Variants in ZNF330 observed in about 807,000 individuals in gnomAD.
The protein encoded by ZNF330 is nucleolar atypical zinc finger.
In ZNF330, 31 loss-of-function variants were observed where a neutral mutation model predicts 45.5. The observed-to-expected ratio is 0.68, with a 90% CI of 0.51 to 0.92. ZNF330 has a LOEUF of 0.92. Ranked by LOEUF, ZNF330 falls within the 40% of genes least tolerant of loss-of-function variation. ZNF330 has a pLI of 0.00. For synonymous variants in ZNF330, 138 were observed against 123.2 expected (o/e 1.12, Z -0.79); for missense variants, 356 against 387.4 (o/e 0.92, Z 0.68).
At chr4:141,220,767 AT>A (rs1728650789), upstream of ZNF330, 1 of 152,188 alleles carries the variant, frequency 6.6e-6, no homozygotes, top group South Asian at 2.1e-4. Context: ...TTTCCCTCGC[AT>A]TCCCTTCCTT....
At chr4:141,224,704 T>A in intron 4 of ZNF330, 27 bp downstream of exon 4, 1 of 1,596,804 alleles carries the variant, frequency 6.3e-7, no homozygotes, top group Non-Finnish European at 8.6e-7. Context: ...TAAGGACATA[T>A]GCTTTTTATC....
intron 9 of ZNF330, among the ~76,000 whole-genome samples, chr4:141,233,448 G>A (rs564249466): frequency 9.2e-5 from 14 of 152,176 alleles, no homozygotes; most frequent in Admixed American, 2.0e-4. Flanking sequence ...GTGGCCAAAC[G>A]GAAGGTATTT....
At chr4:141,223,889 TAA>T (rs1321137002) in intron 2 of ZNF330, 3 of 442,126 alleles carry the variant, frequency 6.8e-6, no homozygotes, top group African/African-American at 6.1e-5. Flanking sequence ...TTCGAATAAG[TAA>T]AGACATGGAG....
intron 7 of ZNF330, among the ~76,000 whole-genome samples, chr4:141,231,047 A>C (rs2111258153): frequency 6.6e-6 from 1 of 152,148 alleles, no homozygotes; most frequent in South Asian, 2.1e-4. Context: ...TGAAATCCTA[A>C]TTATTATACT....
intron 4 of ZNF330, among the ~76,000 whole-genome samples, chr4:141,225,894 T>C (rs78638999): frequency 2.8e-3 from 432 of 152,182 alleles, no homozygotes; most frequent in African/African-American, 0.01. Context: ...CATTTCTCAT[T>C]TACTGATTCT....
In ZNF330 at chr4:141,234,146, A is replaced by G. The variant is rs1213447893; in HGVS notation, c.*157A>G. On this transcript the variant is annotated 3_prime_UTR_variant, in exon 10 of 10. Transcript: ENST00000262990. ...AAGCAATAGGGTGTAGCGTTTTTAT[A>G]GAACTGATAATCAGGCTTATGGCAT... 3.0e-6 allele frequency: 4 copies of G among 1,330,378 alleles called. No homozygotes were observed. Among genetic ancestry groups the G allele is most frequent in the Admixed American group, 6.4e-5 (2 of 31,114 alleles). 82.4% of individuals were successfully genotyped at this position (1,330,378 alleles called of 1,614,324 possible).
chr4:141,230,352 GT>G (rs1215506028), intron 7 of ZNF330, 82 bp downstream of exon 7: 1 of 758,258 alleles, frequency 1.3e-6, no homozygotes, highest in East Asian at 2.8e-5. Context: ...AAGGAATCAA[GT>G]TTTTTTATAC....
At chr4:141,229,473 A>C in intron 5 of ZNF330, 98 bp from the exon 6 acceptor site, 1 of 1,493,728 alleles carries the variant, frequency 6.7e-7, no homozygotes, top group South Asian at 1.2e-5. Flanking sequence ...GGGTTGATAA[A>C]TTGCTAAATG....
chr4:141,232,724 T>G, intron 9 of ZNF330, 82 bp downstream of exon 9: 1 of 676,360 alleles, frequency 1.5e-6, no homozygotes, highest in Non-Finnish European at 2.3e-6. Context: ...TGGTCTATTT[T>G]TCTTATTGCC....
rs1728704272 is a variant in ZNF330 at position 141,222,450 on chromosome 4, A to T, written c.79A>T (p.Ser27Cys). Residue 27 changes from serine to cysteine, a missense_variant, in exon 2 of 10, where the codon AGC becomes TGC. Coordinates refer to ENST00000262990, the MANE Select transcript of ZNF330 (RefSeq NM_014487.6). ...TGAAAAACAACTAAGAGCATCAAGA[A>T]GCACTATAGATTTAGCTAAACATCC... ...EREKQLRASR[S>C]TIDLAKHPCN... is the part of the protein sequence containing the mutation. The T allele has an allele frequency of 6.2e-6, 10 of 1,613,768 alleles. No homozygotes were observed. The highest frequency in any genetic ancestry group is 6.8e-6 in the Non-Finnish European group (8 of 1,179,854).
At position 141,232,577 on chromosome 4, in the gene ZNF330, GA is replaced by G; in HGVS notation, c.627del (p.Lys209AsnfsTer25). 1 of 1,600,812 alleles carries G rather than the reference GA, an allele frequency of 6.2e-7. No individual in the cohort carries two copies. The highest frequency in any genetic ancestry group is 1.7e-5 in the Admixed American group (1 of 58,616). On this transcript the variant is annotated frameshift_variant, in exon 9 of 10. Coordinates refer to ENST00000262990, the MANE Select transcript of ZNF330 (RefSeq NM_014487.6). LOFTEE classifies it high-confidence loss of function. ...AGCAAAGTGTTTAAGCAAGAAAAAGGAAAACAGCCTCCTTGTCCTAAATGTG... is the reference window on the plus strand; with the variant it reads ...AGCAAAGTGTTTAAGCAAGAAAAAGGAAACAGCCTCCTTGTCCTAAATGTG... ...TRSKVFKQEK[G>X]KQPPCPKCGH...
chr4:141,231,586 C>A (rs1728959949), intron 8 of ZNF330, 101 bp downstream of exon 8: 1 of 797,754 alleles, frequency 1.3e-6, no homozygotes, highest in East Asian at 2.9e-5. Flanking sequence ...TTATAAGGGA[C>A]CTTAAAATTA....
At chr4:141,233,011 C>G (rs1334226897) in intron 9 of ZNF330, among the ~76,000 whole-genome samples, 2 of 152,000 alleles carry the variant, frequency 1.3e-5, no homozygotes, top group Non-Finnish European at 2.9e-5. Context: ...GTCAAATTCA[C>G]TCTGAAGCTA....
chr4:141,222,345 T>C, intron 1 of ZNF330, 21 bp from the exon 2 acceptor site: 1 of 1,607,470 alleles, frequency 6.2e-7, no homozygotes, highest in Non-Finnish European at 8.5e-7. Flanking sequence ...ATATCTTTTC[T>C]GTTCTCTTGT....
chr4:141,229,567 A>G lies in ZNF330; in HGVS notation c.292-4A>G. 1 of 1,612,602 alleles carries G rather than the reference A, an allele frequency of 6.2e-7. No individual in the cohort carries two copies. Among genetic ancestry groups the G allele is most frequent in the Non-Finnish European group, 8.5e-7 (1 of 1,178,956 alleles). On this transcript the variant is annotated splice_region_variant and splice_polypyrimidine_tract_variant and intron_variant, in intron 5 of 9. Transcript: ENST00000262990. ...GATTATGTATTCTTGTTCCTTGGTTACAGGGTGCAATATGTGACTTCTGTG... is the reference window on the plus strand; with the variant it reads ...GATTATGTATTCTTGTTCCTTGGTTGCAGGGTGCAATATGTGACTTCTGTG...
rs369003661 is a variant in ZNF330 at position 141,233,961 on chromosome 4, A to T, written c.935A>T (p.Tyr312Phe). ...TTAGGAAGGACCTATGCTAGTGGCT[A>T]TGCTCACTATGAGGAACAAGAGAAC... is the stretch of plus-strand genomic sequence containing the variant. ...LNLGRTYASG[Y>F]AHYEEQEN is the part of the protein sequence containing the mutation. The change falls in exon 10 of 10, where the codon TAT becomes TTT. Residue 312 changes from tyrosine to phenylalanine, a missense_variant. Physicochemically the swap from Tyr to Phe is conservative, Grantham distance 22. Coordinates refer to ENST00000262990, the MANE Select transcript of ZNF330 (RefSeq NM_014487.6). 1.2e-6 allele frequency: 2 copies of T among 1,613,290 alleles called. No individual in the cohort carries two copies. Among genetic ancestry groups the T allele is most frequent in the Non-Finnish European group, 1.7e-6 (2 of 1,179,558 alleles).
chr4:141,223,809 C>T (rs1230072466), intron 2 of ZNF330: 2 of 455,790 alleles, frequency 4.4e-6, no homozygotes. Flanking sequence ...GGAAGGGGTA[C>T]ACTTCACAGA....
chr4:141,220,870 C>T (rs1477610388), upstream of ZNF330: 1 of 152,282 alleles, frequency 6.6e-6, no homozygotes. Context: ...CGGCTCCCGT[C>T]CTATGACGTC....
chr4:141,232,702 C>CTTT, intron 9 of ZNF330, 60 bp downstream of exon 9: 16 of 715,798 alleles, frequency 2.2e-5, no homozygotes, highest in Non-Finnish European at 2.6e-5. Flanking sequence ...CAAAGTTTAT[C>CTTT]TTTTTTTTTT....
Sources: allele counts gnomAD v4.1 joint callset (sites outside exome capture counted in the v4.1 genomes callset), GRCh38; gene constraint gnomAD v4.1.1; transcripts MANE v1.5; gene names NCBI Gene and HGNC (gene_info 2026-07-23, HGNC 2026-07-21).